Variants in RORA observed in about 807,000 individuals in gnomAD.
RORA encodes RAR related orphan receptor A, also known as nuclear receptor ROR-alpha.
In RORA, 7 loss-of-function variants were observed where a neutral mutation model predicts 69.5. That is an observed-to-expected ratio of 0.10 (90% CI 0.06 to 0.19). The LOEUF (loss-of-function observed/expected upper bound fraction) is 0.19. RORA is among the 10% of genes least tolerant of loss of function. The pLI, the probability that RORA is intolerant of heterozygous loss-of-function variation, is 1.00. For synonymous variants in RORA, 261 were observed against 240.8 expected, an observed-to-expected ratio of 1.08 and a Z score of -0.78; for missense variants, 457 against 663.0, an observed-to-expected ratio of 0.69 and a Z score of 3.41.
intron 2 of RORA, among the ~76,000 whole-genome samples, chr15:60,585,870 C>G (rs577952679): frequency 6.6e-6 from 1 of 152,020 alleles, no homozygotes; most frequent in Non-Finnish European, 1.5e-5. Flanking sequence ...ATAGAAATGT[C>G]TCATTCCAAT....
chr15:61,223,505 T>C (rs1396236495), intron 1 of RORA, among the ~76,000 whole-genome samples: 1 of 150,178 alleles, frequency 6.7e-6, no homozygotes. Context: ...AACATACTGA[T>C]ATTGAGCATT....
At chr15:61,108,161 C>G (rs1348171725) in intron 1 of RORA, among the ~76,000 whole-genome samples, 1 of 152,154 alleles carries the variant, frequency 6.6e-6, no homozygotes, top group African/African-American at 2.4e-5. Context: ...CTTCCAGGTT[C>G]TTGAAATTTC....
At chr15:60,706,780 A>G (rs908697638) in intron 1 of RORA, among the ~76,000 whole-genome samples, 1 of 152,234 alleles carries the variant, frequency 6.6e-6, no homozygotes, top group Non-Finnish European at 1.5e-5. Flanking sequence ...AAGCCGAAGT[A>G]GCACTTCCTA....
intron 1 of RORA, among the ~76,000 whole-genome samples, chr15:60,705,799 G>C (rs894067363): frequency 9.9e-5 from 15 of 152,148 alleles, no homozygotes; most frequent in South Asian, 4.1e-4. Context: ...CTAAAGGGAA[G>C]TATAATCTAT....
At chr15:60,736,148 C>A (rs1464234379) in intron 1 of RORA, among the ~76,000 whole-genome samples, 1 of 152,186 alleles carries the variant, frequency 6.6e-6, no homozygotes, top group Non-Finnish European at 1.5e-5. Flanking sequence ...TGTCAGTTCA[C>A]TGCTGGCTAA....
intron 1 of RORA, among the ~76,000 whole-genome samples, chr15:60,929,610 G>T (rs979727934): frequency 6.6e-6 from 1 of 152,162 alleles, no homozygotes; most frequent in South Asian, 2.1e-4. Flanking sequence ...GGCTCCAGTC[G>T]CATTCTCTTG....
intron 1 of RORA, among the ~76,000 whole-genome samples, chr15:60,783,867 G>A (rs1211044234): frequency 3.3e-5 from 5 of 152,190 alleles, no homozygotes; most frequent in Non-Finnish European, 5.9e-5. Flanking sequence ...TGAAATGAAG[G>A]AAACCCAGAT....
At chr15:61,197,525 C>T (rs1349329524) in intron 1 of RORA, among the ~76,000 whole-genome samples, 1 of 152,194 alleles carries the variant, frequency 6.6e-6, no homozygotes, top group Non-Finnish European at 1.5e-5. Context: ...TTCCAAATCT[C>T]TCATTTCTCC....
intron 1 of RORA, among the ~76,000 whole-genome samples, chr15:60,772,956 C>T (rs1216651848): frequency 6.6e-6 from 1 of 152,204 alleles, no homozygotes; most frequent in East Asian, 1.9e-4. Flanking sequence ...AGATTAATCC[C>T]GCCAGGGAGT....
chr15:60,798,019 C>T (rs1259936236), intron 1 of RORA, among the ~76,000 whole-genome samples: 2 of 152,104 alleles, frequency 1.3e-5, no homozygotes, highest in Non-Finnish European at 2.9e-5. Context: ...CAGCCCCAAC[C>T]CACCAGGAAG....
chr15:60,795,298 C>T lies in RORA; in HGVS notation c.167-116612G>A, dbSNP rs141437421. On this transcript the variant is annotated intron_variant, in intron 1 of 10. Transcript: ENST00000335670. ...TCTGTAGGCTGGCAGGAGCTCTTCACCTTTACTCCTGTGCTCACCACGAAA... is the reference window on the plus strand; with the variant it reads ...TCTGTAGGCTGGCAGGAGCTCTTCATCTTTACTCCTGTGCTCACCACGAAA... Among the ~76,000 whole-genome samples the T allele has an allele frequency of 3.6e-3, 549 of 152,306 alleles. 4 individuals are homozygous for T. The highest frequency in any genetic ancestry group is 0.013 in the African/African-American group (522 of 41,562).
chr15:61,034,713 G>GAA (rs143241897), intron 1 of RORA, among the ~76,000 whole-genome samples: 3 of 132,220 alleles, frequency 2.3e-5, no homozygotes, highest in Admixed American at 8.4e-5. Context: ...CAAGTTCAAG[G>GAA]AAAAAAAAAA....
In RORA at chr15:61,165,254, G is replaced by C. The variant is rs578225759; in HGVS notation, c.166+63799C>G. ...CCAGTTTTCCACGAGATTTGGGCTAGAAATATTTATTGTGGCTGCAACTCC... is the reference window on the plus strand; with the variant it reads ...CCAGTTTTCCACGAGATTTGGGCTACAAATATTTATTGTGGCTGCAACTCC... On this transcript the variant is annotated intron_variant, in intron 1 of 10. Coordinates refer to ENST00000335670, the MANE Select transcript of RORA (RefSeq NM_134261.3). Among the ~76,000 whole-genome samples, 15 of 152,322 alleles carry C rather than the reference G, an allele frequency of 9.8e-5. No homozygotes were observed. The South Asian group carries it at 3.1e-3, about 32-fold the overall frequency.
At chr15:60,500,121 G>A (rs2065285909) in intron 9 of RORA, 117 bp from the exon 10 acceptor site, 3 of 622,520 alleles carry the variant, frequency 4.8e-6, no homozygotes, top group African/African-American at 3.8e-5. Context: ...GAGACTCAGA[G>A]GCCAGTTTCA....
At chr15:60,578,508 C>T (rs1054019411) in intron 2 of RORA, among the ~76,000 whole-genome samples, 2 of 152,164 alleles carry the variant, frequency 1.3e-5, no homozygotes, top group African/African-American at 4.8e-5. Flanking sequence ...AACATATCCA[C>T]ATCTGAATAA....
chr15:60,707,334 T>TTTTATTTATTTATTTA (rs35301219), intron 1 of RORA, among the ~76,000 whole-genome samples: 89 of 136,122 alleles, frequency 6.5e-4, no homozygotes, highest in Non-Finnish European at 8.8e-4. Flanking sequence ...TATTTCTTTA[T>TTTTATTTATTTATTTA]TTTATTTATT....
intron 8 of RORA, 150 bp downstream of exon 8, chr15:60,502,610 A>G (rs1417644031): frequency 4.6e-6 from 3 of 646,636 alleles, no homozygotes; most frequent in Non-Finnish European, 8.2e-6. Context: ...ACTTTTCTAC[A>G]GTGACTAACT....
chr15:60,497,748 G>C, intron 10 of RORA, 129 bp from the exon 11 acceptor site: 1 of 743,152 alleles, frequency 1.3e-6, no homozygotes. Flanking sequence ...TAAACATCCA[G>C]TAGCAGAGGA....
At chr15:61,031,854 G>T (rs889709409) in intron 1 of RORA, among the ~76,000 whole-genome samples, 1 of 152,168 alleles carries the variant, frequency 6.6e-6, no homozygotes, top group Non-Finnish European at 1.5e-5. Context: ...TTATGCAAAA[G>T]ACTATATATA....
Sources: allele counts gnomAD v4.1 joint callset (sites outside exome capture counted in the v4.1 genomes callset), GRCh38; gene constraint gnomAD v4.1.1; transcripts MANE v1.5; gene names NCBI Gene and HGNC (gene_info 2026-07-23, HGNC 2026-07-21).